The following IL17RD variants were observed in gnomAD, a reference collection of about 807,000 sequenced individuals.
The protein encoded by IL17RD is interleukin-17 receptor D.
IL17RD carries 52 observed loss-of-function variants against 80.5 expected under a neutral mutation model. The ratio of observed to expected loss-of-function variants is 0.65; its 90% CI spans 0.52 to 0.81. The LOEUF (loss-of-function observed/expected upper bound fraction) is 0.81, where lower values mean the gene tolerates loss of function less well. Among genes scored for constraint, IL17RD ranks in the 40% least tolerant of loss-of-function variants. The pLI is 0.00. For synonymous variants in IL17RD, 416 were observed against 391.8 expected (o/e 1.06, Z -0.73); for missense variants, 1,024 against 955.1 (o/e 1.07, Z -0.95).
In IL17RD at chr3:57,148,103, G is replaced by T. The variant is rs930513593; in HGVS notation, c.126+17058C>A. Among the ~76,000 whole-genome samples the T allele has an allele frequency of 3.7e-5, 3 of 81,702 alleles. No homozygotes were observed. In the South Asian group the frequency reaches 1.8e-3, roughly 50 times the overall value. The allele number at this position is 81,702 out of a possible 152,430, so 53.6% of individuals were successfully genotyped here. A position where few individuals can be genotyped will look rare whatever the true frequency, so the allele number is the denominator to read the frequency against. ...AGGCCAAGGTTGGGGGGGGGGGGGG[G>T]GCGATCGCTAGGTCAAGAGTTCAAG... On this transcript the variant is annotated intron_variant, in intron 1 of 12. Coordinates refer to ENST00000296318, the MANE Select transcript of IL17RD (RefSeq NM_017563.5).
intron 7 of IL17RD, among the ~76,000 whole-genome samples, chr3:57,105,074 C>T (rs1340167838): frequency 6.6e-6 from 1 of 152,148 alleles, no homozygotes; most frequent in Admixed American, 6.5e-5. Flanking sequence ...CTGATTTTTC[C>T]ACTTACTAGC....
At chr3:57,167,539 C>T (rs1346083229), upstream of IL17RD, among the ~76,000 whole-genome samples, 1 of 152,114 alleles carries the variant, frequency 6.6e-6, no homozygotes, top group Non-Finnish European at 1.5e-5. Context: ...AACAATGAGG[C>T]GACCAGCTCC....
At chr3:57,119,360 C>A (rs4558727) in intron 2 of IL17RD, among the ~76,000 whole-genome samples, 121,428 of 147,110 alleles carry the variant, frequency 0.83, 50,991 homozygotes, top group South Asian at 0.95. Flanking sequence ...TCAAAAAAAA[C>A]AAAAACAAAA....
At chr3:57,137,383 G>T (rs1707750554) in intron 1 of IL17RD, among the ~76,000 whole-genome samples, 1 of 152,212 alleles carries the variant, frequency 6.6e-6, no homozygotes, top group Non-Finnish European at 1.5e-5. Context: ...GTGAGCACAA[G>T]CCTAGATTTG....
At position 57,096,385 on chromosome 3, in the gene IL17RD, T is replaced by C. The variant is rs577483561; in HGVS notation, c.*8A>G. 222 of 1,601,560 alleles carry C rather than the reference T, an allele frequency of 1.4e-4. 2 individuals are homozygous for C. The South Asian group carries it at 2.3e-3, about 17-fold the overall frequency. On this transcript the variant is annotated 3_prime_UTR_variant, in exon 13 of 13. Transcript: ENST00000296318. ...CTAAAGTGGCAATGCTTAGACTCTTTCGTTTTGTTACAAAGGGGCGACCGC... is the reference window on the plus strand; with the variant it reads ...CTAAAGTGGCAATGCTTAGACTCTTCCGTTTTGTTACAAAGGGGCGACCGC...
Position 57,090,043 on chromosome 3 carries a change from C to T in IL17RD, c.*6350G>A, listed in dbSNP as rs1330390263. ...AGGTACAAAAACATTTTGTAAATGT[C>T]AGCTGTGATCTACTTTCACCTAGTT... On this transcript the variant is annotated 3_prime_UTR_variant, in exon 13 of 13. Coordinates refer to ENST00000296318, the MANE Select transcript of IL17RD (RefSeq NM_017563.5). 1 of 152,656 alleles carries T rather than the reference C, an allele frequency of 6.6e-6. No individual in the cohort carries two copies. The highest frequency in any genetic ancestry group is 1.5e-5 in the Non-Finnish European group (1 of 68,048). 9.5% of individuals were successfully genotyped at this position (152,656 alleles called of 1,614,324 possible).
chr3:57,167,975 C>T (rs1321562725), upstream of IL17RD, among the ~76,000 whole-genome samples: 8 of 152,218 alleles, frequency 5.3e-5, no homozygotes, highest in South Asian at 4.2e-4. Flanking sequence ...GGATTACAGG[C>T]GCGCAACACT....
intron 3 of IL17RD, among the ~76,000 whole-genome samples, chr3:57,114,020 C>T (rs1054679407): frequency 1.3e-5 from 2 of 151,700 alleles, no homozygotes; most frequent in Admixed American, 1.3e-4. Flanking sequence ...CCCATCTCTA[C>T]TAAAAATACA....
rs1706649077 is a variant in IL17RD, at chr3:57,095,369, T to C, written c.*1024A>G. 1.3e-5 allele frequency: 2 copies of C among 152,222 alleles called. No individual in the cohort carries two copies. Among genetic ancestry groups the C allele is most frequent in the Non-Finnish European group, 2.9e-5 (2 of 68,046 alleles). 9.4% of individuals were successfully genotyped at this position (152,222 alleles called of 1,614,324 possible). A position where few individuals can be genotyped will look rare whatever the true frequency, so the allele number is the denominator to read the frequency against. On this transcript the variant is annotated 3_prime_UTR_variant, in exon 13 of 13. Transcript: ENST00000296318. ...TTTACTTTTGTGACTATCACCTCCA[T>C]TCTACCATCTTAAAAAGAGGTTTGT...
At chr3:57,108,935 C>T (rs1459101816) in intron 5 of IL17RD, among the ~76,000 whole-genome samples, 1 of 152,114 alleles carries the variant, frequency 6.6e-6, no homozygotes, top group East Asian at 1.9e-4. Context: ...TAGGCATGTG[C>T]TGTGCCTGGT....
intron 1 of IL17RD, among the ~76,000 whole-genome samples, chr3:57,146,048 C>T (rs562154554): frequency 3.4e-5 from 5 of 149,206 alleles, no homozygotes. Flanking sequence ...CGCGCGCGCA[C>T]ACACACACAC....
intron 1 of IL17RD, among the ~76,000 whole-genome samples, chr3:57,163,712 T>G (rs1559489679): frequency 6.7e-6 from 1 of 149,180 alleles, no homozygotes; most frequent in Non-Finnish European, 1.5e-5. Flanking sequence ...CAGTAATGTT[T>G]TACTGAAATG....
intron 1 of IL17RD, among the ~76,000 whole-genome samples, chr3:57,161,107 G>T (rs1226644900): frequency 6.6e-6 from 1 of 152,304 alleles, no homozygotes; most frequent in African/African-American, 2.4e-5. Context: ...AATTAACTAG[G>T]CAAAACAGGC....
intron 1 of IL17RD, among the ~76,000 whole-genome samples, chr3:57,157,172 G>A (rs1051314131): frequency 1.3e-5 from 2 of 152,106 alleles, no homozygotes; most frequent in African/African-American, 2.4e-5. Flanking sequence ...ACTGAGACAT[G>A]GGCTAAAAAG....
At chr3:57,151,545 A>T (rs1431242972) in intron 1 of IL17RD, among the ~76,000 whole-genome samples, 1 of 152,336 alleles carries the variant, frequency 6.6e-6, no homozygotes, top group South Asian at 2.1e-4. Flanking sequence ...TTAAACAGAT[A>T]GGAAGCTCAA....
intron 1 of IL17RD, among the ~76,000 whole-genome samples, chr3:57,130,063 A>C (rs1707573558): frequency 6.6e-6 from 1 of 152,244 alleles, no homozygotes; most frequent in Admixed American, 6.5e-5. Context: ...TGGCCAAGGC[A>C]GGGTGTATTT....
At chr3:57,124,938 G>A (rs1559475788) in intron 1 of IL17RD, among the ~76,000 whole-genome samples, 2 of 152,118 alleles carry the variant, frequency 1.3e-5, no homozygotes, top group South Asian at 2.1e-4. Context: ...CAGAGCTGCC[G>A]CTTGAGATTC....
In IL17RD at chr3:57,105,888, T is replaced by G; in HGVS notation, c.716A>C (p.Glu239Ala). Reference sequence around the variant, plus strand: ...ACAGGTCTTTCGCTTGAAAGGTCCTTCGTGCTTGAGCTTGTAGTGAAGATA... The same window carrying G: ...ACAGGTCTTTCGCTTGAAAGGTCCTGCGTGCTTGAGCTTGTAGTGAAGATA... ...FFYLHYKLKH[E>A]GPFKRKTCKQ... The change falls in exon 7 of 13, where the codon GAA (glutamate) becomes GCA (alanine). Residue 239 changes from glutamate to alanine, a missense_variant. By Grantham distance (107) the Glu-to-Ala change is moderately radical. Transcript: ENST00000296318. The G allele has an allele frequency of 6.2e-7, 1 of 1,613,930 alleles. No individual in the cohort carries two copies.
rs767272314 is a variant in IL17RD, at chr3:57,101,286, G to A, written c.1057C>T (p.Arg353Trp). The A allele has an allele frequency of 6.8e-6, 11 of 1,613,106 alleles. No homozygotes were observed. Among genetic ancestry groups the A allele is most frequent in the Admixed American group, 1.7e-5 (1 of 59,972 alleles). The change falls in exon 11 of 13, where the codon CGG becomes TGG. Residue 353 changes from arginine (R) to tryptophan (W), a missense_variant. Arg to Trp is a moderately radical substitution (Grantham distance 101). Transcript: ENST00000296318. The part of the protein sequence containing the change: ...YTAALPRERL[R>W]PRPKVFLCYS... ...CAGAGAAAGACCTTCGGCCGCGGCC[G>A]GAGCCTCTCTCTTGGGAGTGCTGCA...
Sources: allele counts gnomAD v4.1 joint callset (sites outside exome capture counted in the v4.1 genomes callset), GRCh38; gene constraint gnomAD v4.1.1; transcripts MANE v1.5; gene names NCBI Gene and HGNC (gene_info 2026-07-23, HGNC 2026-07-21).